Variants in CNTN4 observed in about 807,000 individuals in gnomAD.
The protein encoded by CNTN4 is contactin 4.
CNTN4 carries 77 observed loss-of-function variants against 122.5 expected under a neutral mutation model. The observed-to-expected ratio is 0.63, with a 90% CI of 0.52 to 0.76. The LOEUF (loss-of-function observed/expected upper bound fraction) is 0.76. CNTN4 is among the 30% of genes least tolerant of loss of function. CNTN4 has a pLI of 0.00. For missense variants in CNTN4, 1,256 were observed against 1,259.1 expected (o/e 1.00, Z 0.04); for synonymous variants, 512 against 447.0 (o/e 1.15, Z -1.83).
chr3:3,025,548 A>G (rs1422689397), intron 14 of CNTN4, among the ~76,000 whole-genome samples: 2 of 152,240 alleles, frequency 1.3e-5, no homozygotes, highest in African/African-American at 4.8e-5. Context: ...AACCAAAAAG[A>G]CTGGGGGAAA....
At chr3:2,397,077 C>T (rs2046668882) in intron 3 of CNTN4, among the ~76,000 whole-genome samples, 2 of 152,226 alleles carry the variant, frequency 1.3e-5, no homozygotes, top group South Asian at 4.1e-4. Flanking sequence ...AAGCAAATAA[C>T]AGGGCATGTA....
chr3:2,109,329 G>T (rs1469211019), intron 2 of CNTN4, among the ~76,000 whole-genome samples: 2 of 152,126 alleles, frequency 1.3e-5, no homozygotes, highest in African/African-American at 4.8e-5. Flanking sequence ...GAAAGTGAAG[G>T]TTAGGGCAGT....
intron 2 of CNTN4, among the ~76,000 whole-genome samples, chr3:2,316,381 A>C (rs2043099351): frequency 6.6e-6 from 1 of 152,120 alleles, no homozygotes; most frequent in Non-Finnish European, 1.5e-5. Context: ...TTGAAAGCTC[A>C]AATTACACTA....
intron 2 of CNTN4, among the ~76,000 whole-genome samples, chr3:2,106,307 C>T (rs1381213525): frequency 6.6e-6 from 1 of 152,218 alleles, no homozygotes; most frequent in Non-Finnish European, 1.5e-5. Flanking sequence ...GTTGGGAGCT[C>T]CAACCCCCAT....
chr3:2,698,591 T>A (rs2728030), intron 4 of CNTN4, among the ~76,000 whole-genome samples: 1 of 152,120 alleles, frequency 6.6e-6, no homozygotes, highest in South Asian at 2.1e-4. Flanking sequence ...TGTCTACATA[T>A]GTTTCTAAGT....
intron 2 of CNTN4, among the ~76,000 whole-genome samples, chr3:2,217,112 G>C (rs912764100): frequency 6.6e-6 from 1 of 152,082 alleles, no homozygotes; most frequent in African/African-American, 2.4e-5. Context: ...CTCTCCCAAG[G>C]ATTGAAATTC....
At chr3:2,581,946 G>A (rs1458467697) in intron 4 of CNTN4, among the ~76,000 whole-genome samples, 4 of 152,154 alleles carry the variant, frequency 2.6e-5, no homozygotes, top group African/African-American at 9.7e-5. Context: ...AATAGACAAA[G>A]CCATAGGGAC....
At chr3:2,927,360 GCT>G in intron 13 of CNTN4, 1 of 454,958 alleles carries the variant, frequency 2.2e-6, no homozygotes. Context: ...GGACCAAGAT[GCT>G]CTGGACGTTG....
At chr3:2,159,186 T>C (rs186228392) in intron 2 of CNTN4, among the ~76,000 whole-genome samples, 55 of 152,316 alleles carry the variant, frequency 3.6e-4, no homozygotes, top group Non-Finnish European at 5.9e-5. Context: ...AGAATTATAC[T>C]GTATACTTTT....
chr3:2,565,396 G>T (rs552885503), intron 3 of CNTN4, among the ~76,000 whole-genome samples: 135 of 152,190 alleles, frequency 8.9e-4, no homozygotes, highest in Middle Eastern at 3.4e-3. Context: ...TGTTTTTACT[G>T]GTAGATAGAG....
intron 3 of CNTN4, among the ~76,000 whole-genome samples, chr3:2,501,464 A>G (rs890329159): frequency 6.6e-6 from 1 of 152,190 alleles, no homozygotes; most frequent in South Asian, 2.1e-4. Flanking sequence ...AAGTGAGCCT[A>G]TAGGGCTGAG....
chr3:2,640,816 G>T (rs1311863509), intron 4 of CNTN4, among the ~76,000 whole-genome samples: 2 of 152,204 alleles, frequency 1.3e-5, no homozygotes, highest in Non-Finnish European at 2.9e-5. Flanking sequence ...GAACCAGAGA[G>T]TCCCTTCTAA....
intron 10 of CNTN4, among the ~76,000 whole-genome samples, chr3:2,893,022 G>A (rs534487863): frequency 5.5e-4 from 84 of 151,910 alleles, no homozygotes; most frequent in Admixed American, 1.5e-3. Context: ...TCAATCATCC[G>A]GATACTCTTT....
At chr3:2,153,695 C>A (rs2035592648) in intron 2 of CNTN4, among the ~76,000 whole-genome samples, 1 of 152,050 alleles carries the variant, frequency 6.6e-6, no homozygotes, top group African/African-American at 2.4e-5. Flanking sequence ...AAATAATGAC[C>A]TATTTGTCTT....
At position 2,866,632 on chromosome 3, in the gene CNTN4, G is replaced by T. The variant is rs2093726636; in HGVS notation, c.455-120G>T. The T allele has an allele frequency of 3.4e-6, 4 of 1,193,240 alleles. No individual in the cohort carries two copies. In the Admixed American group the frequency reaches 5.5e-5, roughly 16 times the overall value. The allele number at this position is 1,193,240 out of a possible 1,614,324, so 73.9% of individuals were successfully genotyped here. ...ATTACTTCCTATCTGTATTTAGTGG[G>T]CTGAAAAAGAGTCATTGGACAACAA... On this transcript the variant is annotated intron_variant, in intron 7 of 24. Coordinates refer to ENST00000418658, the MANE Select transcript of CNTN4 (RefSeq NM_175607.3).
intron 23 of CNTN4, among the ~76,000 whole-genome samples, chr3:3,046,028 G>A (rs1700610982): frequency 6.6e-6 from 1 of 152,202 alleles, no homozygotes. Flanking sequence ...AAGGGTACCT[G>A]TGATGGAAGA....
At chr3:2,163,744 A>G (rs918337545) in intron 2 of CNTN4, among the ~76,000 whole-genome samples, 7 of 152,348 alleles carry the variant, frequency 4.6e-5, no homozygotes, top group Non-Finnish European at 1.0e-4. Flanking sequence ...ATATGAAAAA[A>G]TGCTTCACAT....
intron 14 of CNTN4, among the ~76,000 whole-genome samples, chr3:3,015,919 A>G (rs534761778): frequency 6.6e-6 from 1 of 152,300 alleles, no homozygotes; most frequent in East Asian, 1.9e-4. Context: ...AGATCTTATT[A>G]TGCCATTCTT....
intron 3 of CNTN4, among the ~76,000 whole-genome samples, chr3:2,534,628 C>G (rs1014328564): frequency 2.0e-5 from 3 of 151,830 alleles, no homozygotes; most frequent in African/African-American, 7.3e-5. Context: ...TGTCCTCTGG[C>G]ACTGTTTTCC....
Sources: gnomAD v4.1 joint callset for allele counts (sites outside exome capture counted in the v4.1 genomes callset) on GRCh38, gnomAD v4.1.1 for gene constraint, MANE v1.5 for transcripts, NCBI Gene and HGNC (gene_info 2026-07-23, HGNC 2026-07-21) for gene names.